FGF14: variants seen among roughly 807,000 people sequenced by gnomAD.
The protein encoded by FGF14 is fibroblast growth factor homologous factor 4.
In FGF14, 5 loss-of-function variants were observed where a neutral mutation model predicts 25.5. The observed-to-expected ratio is 0.20, with a 90% CI of 0.10 to 0.41. The LOEUF (loss-of-function observed/expected upper bound fraction) is 0.41. Among genes scored for constraint, FGF14 ranks in the 10% least tolerant of loss-of-function variants. The pLI is 1.00. For synonymous variants in FGF14, 138 were observed against 118.3 expected (o/e 1.17, Z -1.08); for missense variants, 222 against 320.1 (o/e 0.69, Z 2.34).
intron 3 of FGF14, among the ~76,000 whole-genome samples, chr13:101,769,412 A>T (rs984315795): frequency 1.3e-5 from 2 of 152,142 alleles, no homozygotes; most frequent in Non-Finnish European, 2.9e-5. Flanking sequence ...CATAACAACT[A>T]AACATTGTCT....
intron 3 of FGF14, among the ~76,000 whole-genome samples, chr13:101,755,614 G>A (rs143442929): frequency 1.3e-3 from 192 of 152,314 alleles, no homozygotes; most frequent in African/African-American, 4.4e-3. Flanking sequence ...ACTGGAGAGA[G>A]AATTGAAGAA....
intron 1 of FGF14, among the ~76,000 whole-genome samples, chr13:102,254,238 C>T (rs1010136593): frequency 3.9e-5 from 6 of 152,168 alleles, no homozygotes; most frequent in Admixed American, 2.0e-4. Flanking sequence ...GTTAATCTCA[C>T]GGTGAGTGCT....
chr13:101,995,032 T>C (rs1482286722), intron 1 of FGF14, among the ~76,000 whole-genome samples: 1 of 152,134 alleles, frequency 6.6e-6, no homozygotes, highest in Non-Finnish European at 1.5e-5. Flanking sequence ...ACACCTATTT[T>C]TCTACTTTAA....
Position 102,247,802 on chromosome 13 carries a change from C to T in FGF14, c.208+153669G>A, listed in dbSNP as rs572443907. ...GGCACATGCACACATATGTTAATTG[C>T]GGCACTATTCATAACAGCAAAGACA... On this transcript the variant is annotated intron_variant, in intron 1 of 4. Coordinates refer to the FGF14 transcript ENST00000376131. 3.8e-4 allele frequency among the ~76,000 whole-genome samples: 58 copies of T among 152,140 alleles called. No homozygotes were observed. The South Asian group carries it at 4.6e-3, about 12-fold the overall frequency.
intron 1 of FGF14, among the ~76,000 whole-genome samples, chr13:102,302,194 C>A (rs1366226010): frequency 6.6e-6 from 1 of 152,140 alleles, no homozygotes; most frequent in African/African-American, 2.4e-5. Context: ...GAATTGTTTT[C>A]TGCAGAGCAT....
intron 3 of FGF14, among the ~76,000 whole-genome samples, chr13:101,865,130 T>C (rs148889079): frequency 1.2e-3 from 180 of 152,284 alleles, no homozygotes; most frequent in African/African-American, 4.0e-3. Flanking sequence ...ACATTCTCAC[T>C]TCAACTATCC....
intron 3 of FGF14, among the ~76,000 whole-genome samples, chr13:101,763,155 G>A (rs1391169188): frequency 6.6e-6 from 1 of 151,794 alleles, no homozygotes; most frequent in Non-Finnish European, 1.5e-5. Flanking sequence ...AGAGAATAGA[G>A]TGTGATGAAG....
rs78031093 is a variant in FGF14, at chr13:102,401,309, G to A, written c.208+162C>T. Among the ~76,000 whole-genome samples, 559 of 152,174 alleles carry A rather than the reference G, an allele frequency of 3.7e-3. 1 individual carries two copies. The highest frequency in any genetic ancestry group is 6.5e-3 in the Non-Finnish European group (442 of 68,020). ...TTTGGGGTTCGTAGACGCCGATCCA[G>A]CTGTTACTTGTTTATTCATGCAACA... On this transcript the variant is annotated intron_variant, in intron 1 of 4. Coordinates refer to the FGF14 transcript ENST00000376131.
At chr13:101,882,983 G>A (rs2045796401) in intron 1 of FGF14, among the ~76,000 whole-genome samples, 2 of 151,978 alleles carry the variant, frequency 1.3e-5, no homozygotes, top group Non-Finnish European at 2.9e-5. Context: ...GCAAGGGAAG[G>A]AGAAGAAAAG....
intron 1 of FGF14, among the ~76,000 whole-genome samples, chr13:101,995,463 C>T (rs1159097841): frequency 6.6e-6 from 1 of 152,200 alleles, no homozygotes; most frequent in East Asian, 1.9e-4. Context: ...AAATATTCTG[C>T]CTAATGTTTA....
intron 3 of FGF14, among the ~76,000 whole-genome samples, chr13:101,823,584 T>G (rs1485811634): frequency 6.6e-6 from 1 of 150,400 alleles, no homozygotes; most frequent in Non-Finnish European, 1.5e-5. Context: ...ATTACAGGCA[T>G]GCACCACTAT....
intron 1 of FGF14, among the ~76,000 whole-genome samples, chr13:102,386,273 T>C (rs1025666483): frequency 1.3e-5 from 2 of 151,760 alleles, no homozygotes; most frequent in African/African-American, 4.8e-5. Context: ...GCTGGGATTA[T>C]AGGCATGTGC....
chr13:102,045,299 T>C (rs970893162), intron 1 of FGF14, among the ~76,000 whole-genome samples: 19 of 151,848 alleles, frequency 1.3e-4, no homozygotes, highest in Admixed American at 3.3e-4. Flanking sequence ...TAACCATAGA[T>C]ATAAATATAT....
At chr13:102,201,270 G>C (rs1402562898) in intron 1 of FGF14, among the ~76,000 whole-genome samples, 1 of 151,842 alleles carries the variant, frequency 6.6e-6, no homozygotes, top group African/African-American at 2.4e-5. Context: ...TCTACTTTAG[G>C]ATTCTCCAAC....
At chr13:102,213,398 C>G (rs764471742) in intron 1 of FGF14, among the ~76,000 whole-genome samples, 10 of 152,164 alleles carry the variant, frequency 6.6e-5, no homozygotes, top group South Asian at 4.1e-4. Context: ...CTTTGCATTT[C>G]CCAGCTATTG....
At chr13:102,064,876 C>A (rs184515559) in intron 1 of FGF14, among the ~76,000 whole-genome samples, 2 of 152,080 alleles carry the variant, frequency 1.3e-5, no homozygotes, top group Admixed American at 6.5e-5. Context: ...GTATGAGGGA[C>A]ATGAGCATCC....
chr13:102,358,338 T>C (rs766968281), intron 1 of FGF14, among the ~76,000 whole-genome samples: 1 of 152,206 alleles, frequency 6.6e-6, no homozygotes, highest in African/African-American at 2.4e-5. Flanking sequence ...TTAGTAGACA[T>C]TGACACCATA....
At chr13:102,096,486 A>G (rs139334116) in intron 1 of FGF14, among the ~76,000 whole-genome samples, 1 of 152,196 alleles carries the variant, frequency 6.6e-6, no homozygotes, top group Non-Finnish European at 1.5e-5. Flanking sequence ...AGGAAAACTG[A>G]TAAGAACAAG....
chr13:102,175,770 C>A (rs1045264310), intron 1 of FGF14, among the ~76,000 whole-genome samples: 1 of 151,910 alleles, frequency 6.6e-6, no homozygotes, highest in Non-Finnish European at 1.5e-5. Context: ...ATATGAAAGA[C>A]CCTTCTCAAA....
Sources: gnomAD v4.1 joint callset for allele counts (sites outside exome capture counted in the v4.1 genomes callset) on GRCh38, gnomAD v4.1.1 for gene constraint, MANE v1.5 for transcripts, NCBI Gene and HGNC (gene_info 2026-07-23, HGNC 2026-07-21) for gene names.